The following MGAM variants were observed in gnomAD, a reference collection of about 807,000 sequenced individuals.
MGAM encodes the protein alpha-1,4-glucosidase.
In MGAM, 253 loss-of-function variants were observed where a neutral mutation model predicts 358.8. The observed-to-expected ratio is 0.71, with a 90% CI of 0.64 to 0.78. MGAM has a LOEUF of 0.78. Among genes scored for constraint, MGAM ranks in the 30% least tolerant of loss-of-function variants. The pLI, the probability that MGAM is intolerant of heterozygous loss-of-function variation, is 0.00. For missense variants in MGAM, 3,080 were observed against 3,432.6 expected, an observed-to-expected ratio of 0.90 and a Z score of 2.57; for synonymous variants, 1,105 against 1,227.1, an observed-to-expected ratio of 0.90 and a Z score of 2.08.
chr7:142,072,362 TTAATGATCCAAATGAA>T (rs1813414841), intron 44 of MGAM, among the ~76,000 whole-genome samples: 1 of 146,366 alleles, frequency 6.8e-6, no homozygotes, highest in African/African-American at 2.4e-5. Context: ...TGGTGTATTC[TTAATGATCCAAATGAA>T]ACTTTACGTT....
At chr7:142,036,347 G>A in intron 17 of MGAM, 62 bp downstream of exon 17, 2 of 1,286,664 alleles carry the variant, frequency 1.6e-6, no homozygotes, top group Non-Finnish European at 2.2e-6. Context: ...AGATCTGTCT[G>A]CATCCTTGCC....
At chr7:142,052,216 T>A (rs79975318) in intron 24 of MGAM, 78 bp from the exon 25 acceptor site, 12,202 of 1,210,214 alleles carry the variant, frequency 0.01, 76 homozygotes, top group Middle Eastern at 0.014. Context: ...ATTTTTTTTT[T>A]ATCGAAAAAA....
In MGAM at chr7:142,062,634, G is replaced by A. The variant is rs777169037; in HGVS notation, c.4189G>A (p.Glu1397Lys). ...RNSTAKWWKR[E>K]IEELYNNPQN... ...TTCAACTGCCAAGTGGTGGAAGAGG[G>A]AAATAGAAGAACTATACAACAATCC... Residue 1397 changes from glutamate (E) to lysine (K), a missense_variant, in exon 35 of 71, where the codon GAA (glutamate) becomes AAA (lysine). This residue lies in a region of MGAM where 1,816 missense variants were observed against 1,840.5 expected (regional missense o/e 0.99). Coordinates refer to ENST00000475668, the MANE Select transcript of MGAM (RefSeq NM_001365693.1). 6.2e-7 allele frequency: 1 copy of A among 1,612,844 alleles called. No homozygotes were observed. Among genetic ancestry groups the A allele is most frequent in the Non-Finnish European group, 8.5e-7 (1 of 1,179,134 alleles).
Position 142,040,178 on chromosome 7 carries a change from A to G in MGAM, c.2373+7A>G, listed in dbSNP as rs758774463. On this transcript the variant is annotated splice_region_variant and intron_variant, in intron 20 of 70. Transcript: ENST00000475668. ...CTGGTATGACTACGAGACTGTAAGT[A>G]GCTTTGACTTTTCTTCTACTCCTTA... 1.9e-6 allele frequency: 3 copies of G among 1,607,954 alleles called. No homozygotes were observed. In the Admixed American group the frequency reaches 5.0e-5, roughly 27 times the overall value.
At chr7:142,063,461 C>T (rs764911334) in intron 35 of MGAM, 38 bp from the exon 36 acceptor site, 1 of 1,599,806 alleles carries the variant, frequency 6.3e-7, no homozygotes, top group Non-Finnish European at 8.5e-7. Flanking sequence ...ACGTAATTAT[C>T]TTAAAAAGTG....
intron 1 of MGAM, among the ~76,000 whole-genome samples, chr7:142,001,870 A>T (rs559127507): frequency 6.6e-6 from 1 of 152,246 alleles, no homozygotes; most frequent in Non-Finnish European, 1.5e-5. Flanking sequence ...AAATAATGAG[A>T]CCTGTGCTTT....
chr7:142,025,599 C>T (rs1806891905), intron 8 of MGAM, among the ~76,000 whole-genome samples: 1 of 152,084 alleles, frequency 6.6e-6, no homozygotes, highest in African/African-American at 2.4e-5. Context: ...TGAGAGTCAT[C>T]GATTCAATCA....
chr7:142,099,801 C>T (rs189227342), intron 67 of MGAM, 64 bp downstream of exon 67: 1,068 of 1,582,312 alleles, frequency 6.7e-4, no homozygotes, highest in Middle Eastern at 1.5e-3. Context: ...TAATGAAGTC[C>T]ACCAAAATGT....
rs750216590 is a variant in MGAM, at chr7:142,052,826, G to A, written c.3001G>A (p.Asp1001Asn). The stretch of plus-strand genomic sequence containing the variant: ...AGTCCCTTTTTGCTATTTTGTCAAC[G>A]ACCTATACTCTGTCAGTGATGTTCA... ...SGVPFCYFVN[D>N]LYSVSDVQYN... The change falls in exon 26 of 71, where the codon GAC (aspartate) becomes AAC (asparagine). Residue 1001 changes from aspartate to asparagine, a missense_variant. Around this residue, in one of 5 missense-constraint regions of MGAM, gnomAD observed 1,816 missense variants for 1,840.5 expected, o/e 0.99. Coordinates refer to ENST00000475668, the MANE Select transcript of MGAM (RefSeq NM_001365693.1). The A allele has an allele frequency of 3.0e-5, 48 of 1,613,646 alleles. No individual in the cohort carries two copies. The Middle Eastern group carries it at 4.9e-4, about 17-fold the overall frequency.
intron 21 of MGAM, among the ~76,000 whole-genome samples, chr7:142,045,606 AT>A (rs1810181615): frequency 9.3e-6 from 1 of 107,782 alleles, no homozygotes; most frequent in African/African-American, 3.9e-5. Context: ...TGAATATATA[AT>A]ATATATTATA....
intron 16 of MGAM, 137 bp downstream of exon 16, chr7:142,034,978 C>T: frequency 1.2e-6 from 1 of 820,864 alleles, no homozygotes; most frequent in African/African-American, 1.7e-5. Context: ...TGTGCTTCAT[C>T]CACATCAGCA....
intron 2 of MGAM, among the ~76,000 whole-genome samples, chr7:142,006,303 C>G (rs1442726391): frequency 6.6e-6 from 1 of 152,006 alleles, no homozygotes; most frequent in Non-Finnish European, 1.5e-5. Flanking sequence ...AAAACTCTTG[C>G]AAAATTGCCC....
At chr7:142,089,036 A>C (rs1815121946) in intron 57 of MGAM, among the ~76,000 whole-genome samples, 1 of 99,006 alleles carries the variant, frequency 1.0e-5, no homozygotes, top group Non-Finnish European at 2.1e-5. Context: ...ATCTATCTAT[A>C]CTGTTCAAGG....
In MGAM at chr7:142,065,986, G is replaced by A. The variant is rs186127261; in HGVS notation, c.4770+155G>A. Among the ~76,000 whole-genome samples, 371 of 126,146 alleles carry A rather than the reference G, an allele frequency of 2.9e-3. 14 individuals are homozygous for A. The highest frequency in any genetic ancestry group is 9.4e-3 in the African/African-American group (349 of 37,040). 82.8% of individuals were successfully genotyped at this position (126,146 alleles called of 152,430 possible). On this transcript the variant is annotated intron_variant, in intron 40 of 70. Coordinates refer to ENST00000475668, the MANE Select transcript of MGAM (RefSeq NM_001365693.1). The stretch of plus-strand genomic sequence containing the variant: ...TTGTTTTGTTTTTTTTTTTGAAACA[G>A]GGATTTACTCTGTTGGCCAGGCTGA...
rs746394159 is a variant in MGAM, at chr7:142,055,745, G to A, written c.3483+19G>A. On this transcript the variant is annotated intron_variant, in intron 28 of 70. Transcript: ENST00000475668. Reference sequence around the variant, plus strand: ...CCCAGGGGTAAGGACAGAGCATTTGGGATCTGTGTCTCTGCTTCTCTCCAC... The same window carrying A: ...CCCAGGGGTAAGGACAGAGCATTTGAGATCTGTGTCTCTGCTTCTCTCCAC... The A allele has an allele frequency of 1.5e-4, 242 of 1,612,632 alleles. No individual in the cohort carries two copies. Among genetic ancestry groups the A allele is most frequent in the East Asian group, 5.8e-4 (26 of 44,840 alleles).
chr7:142,088,774 TA>T lies in MGAM; in HGVS notation c.6810+2058del, dbSNP rs1295098642. On this transcript the variant is annotated intron_variant, in intron 57 of 70. Transcript: ENST00000475668. ...CTATCTATCTATCTATCTATCTATC[TA>T]TCTATCTATCTATCTATCTATCTAT... Among the ~76,000 whole-genome samples, 46 of 133,416 alleles carry T rather than the reference TA, an allele frequency of 3.4e-4. 6 individuals are homozygous for T. The highest frequency in any genetic ancestry group is 6.3e-4 in the Non-Finnish European group (38 of 59,846). 87.5% of individuals were successfully genotyped at this position (133,416 alleles called of 152,430 possible). A position where few individuals can be genotyped will look rare whatever the true frequency, so the allele number is the denominator to read the frequency against.
At chr7:142,038,686 CTTCT>C in intron 19 of MGAM, 71 bp downstream of exon 19, 1 of 1,144,372 alleles carries the variant, frequency 8.7e-7, no homozygotes, top group Non-Finnish European at 1.2e-6. Context: ...CTCCTCTCTG[CTTCT>C]TATTCCAAAC....
chr7:142,042,010 A>G (rs1242593310), intron 21 of MGAM, among the ~76,000 whole-genome samples: 1,314 of 11,680 alleles, frequency 0.11, 174 homozygotes, highest in African/African-American at 0.34. Flanking sequence ...TATATATATA[A>G]TATAATATAT....
intron 1 of MGAM, among the ~76,000 whole-genome samples, chr7:141,997,846 G>A (rs782377474): frequency 6.6e-6 from 1 of 152,120 alleles, no homozygotes; most frequent in African/African-American, 2.4e-5. Context: ...GGAAAGGATG[G>A]CCCAACCTAC....
Sources: gnomAD v4.1 joint callset for allele counts (sites outside exome capture counted in the v4.1 genomes callset) on GRCh38, gnomAD v4.1.1 for gene constraint, gnomAD v4.1.1 regional missense constraint, MANE v1.5 for transcripts, NCBI Gene and HGNC (gene_info 2026-07-23, HGNC 2026-07-21) for gene names.